FBXO31: variants seen among roughly 807,000 people sequenced by gnomAD.
FBXO31 encodes F-box protein 31.
In FBXO31, 24 loss-of-function variants were observed where a neutral mutation model predicts 54.4. That is an observed-to-expected ratio of 0.44 (90% CI 0.32 to 0.62). FBXO31 has a LOEUF of 0.62. Ranked by LOEUF, FBXO31 falls within the 20% of genes least tolerant of loss-of-function variation. FBXO31 has a pLI of 0.05. For synonymous variants in FBXO31, 388 were observed against 335.6 expected, an observed-to-expected ratio of 1.16 and a Z score of -1.71; for missense variants, 665 against 787.1, an observed-to-expected ratio of 0.84 and a Z score of 1.86.
chr16:87,352,847 G>A (rs533709774), intron 2 of FBXO31, among the ~76,000 whole-genome samples: 86 of 152,338 alleles, frequency 5.6e-4, no homozygotes, highest in African/African-American at 1.7e-3. Flanking sequence ...TGAAAGGTGA[G>A]GTTACACTTT....
chr16:87,387,405 C>T (rs1375208789), upstream of FBXO31, among the ~76,000 whole-genome samples: 1 of 152,162 alleles, frequency 6.6e-6, no homozygotes, highest in Non-Finnish European at 1.5e-5. Context: ...ATAATGACCT[C>T]TTTGTTAGTG....
chr16:87,384,103 G>A (rs62053113), upstream of FBXO31: 117 of 157,844 alleles, frequency 7.4e-4, no homozygotes, highest in Middle Eastern at 3.0e-3. Context: ...GCTGCTCGGC[G>A]ACCACTTCGC....
Position 87,346,218 on chromosome 16 carries a change from C to T in FBXO31, c.489+956G>A, listed in dbSNP as rs368080400. Among the ~76,000 whole-genome samples, 1 of 152,076 alleles carries T rather than the reference C, an allele frequency of 6.6e-6. No homozygotes were observed. The highest frequency in any genetic ancestry group is 1.5e-5 in the Non-Finnish European group (1 of 68,018). On this transcript the variant is annotated intron_variant, in intron 3 of 8. Coordinates refer to ENST00000311635, the MANE Select transcript of FBXO31 (RefSeq NM_024735.5). The surrounding 1 kb of genome is among the most constrained non-coding windows in gnomAD (Gnocchi z 4.2). ...GAGACGCGCGCATACCCCGGGCCTGCGCAGAGCAGGTGCCCTGACTCCACT... is the reference window on the plus strand; with the variant it reads ...GAGACGCGCGCATACCCCGGGCCTGTGCAGAGCAGGTGCCCTGACTCCACT...
At chr16:87,365,139 T>A (rs1472983353) in intron 1 of FBXO31, among the ~76,000 whole-genome samples, 5 of 148,094 alleles carry the variant, frequency 3.4e-5, no homozygotes, top group Non-Finnish European at 7.4e-5. Context: ...AAGGCGAGAT[T>A]CAAACTGGGA....
chr16:87,381,444 T>A (rs548514910), intron 1 of FBXO31, among the ~76,000 whole-genome samples: 1 of 152,310 alleles, frequency 6.6e-6, no homozygotes, highest in East Asian at 1.9e-4. Context: ...GGAGCAGCAC[T>A]TCCCACTCAT....
chr16:87,335,346 C>T lies in FBXO31; in HGVS notation c.954G>A (p.Met318Ile), dbSNP rs747797113. The stretch of plus-strand genomic sequence containing the variant: ...TGGCACGCCGGCCGTGGAAGCTGAG[C>T]ATCACAATCTCCAGGCCGTGGCTGC... ...TYGSHGLEIV[M>I]LSFHGRRARG... Residue 318 changes from methionine (M) to isoleucine (I), a missense_variant, in exon 7 of 9, where the codon ATG (methionine) becomes ATA (isoleucine). Physicochemically the swap from Met to Ile is conservative, Grantham distance 10. Around this residue, in one of 4 missense-constraint regions of FBXO31, gnomAD observed 234 missense variants for 346.8 expected, o/e 0.67. Transcript: ENST00000311635. The surrounding 1 kb of genome is among the most constrained non-coding windows in gnomAD (Gnocchi z 5.7). The T allele has an allele frequency of 1.9e-6, 3 of 1,614,038 alleles. No homozygotes were observed. The Admixed American group carries it at 5.0e-5, about 27-fold the overall frequency.
rs1271857044 is a variant in FBXO31, at chr16:87,345,362, G to C, written c.490-1597C>G. ...AGGGTGGGAGGGAGGGAGGGGAAGA[G>C]GGTGGGAGGGCGGACCGGAAGCCAT... On this transcript the variant is annotated intron_variant, in intron 3 of 8. Transcript: ENST00000311635. The surrounding 1 kb of genome is among the most constrained non-coding windows in gnomAD (Gnocchi z 4.9). Among the ~76,000 whole-genome samples, 3 of 151,110 alleles carry C rather than the reference G, an allele frequency of 2.0e-5. No homozygotes were observed. Among genetic ancestry groups the C allele is most frequent in the African/African-American group, 7.3e-5 (3 of 41,018 alleles).
chr16:87,369,841 C>A lies in FBXO31; in HGVS notation c.341-9475G>T, dbSNP rs181112443. ...TCAGCCAGGCGACAGACTGAGACTC[C>A]GTCTCAAAAATAAATAAATAAATAA... On this transcript the variant is annotated intron_variant, in intron 1 of 8. Coordinates refer to ENST00000311635, the MANE Select transcript of FBXO31 (RefSeq NM_024735.5). Among the ~76,000 whole-genome samples the A allele has an allele frequency of 4.0e-3, 606 of 151,722 alleles. 12 individuals carry two copies. The highest frequency in any genetic ancestry group is 0.037 in the Admixed American group (556 of 15,218).
Position 87,335,233 on chromosome 16 carries a change from T to C in FBXO31, c.996+71A>G. 6.3e-7 allele frequency: 1 copy of C among 1,598,434 alleles called. No homozygotes were observed. The highest frequency in any genetic ancestry group is 8.5e-7 in the Non-Finnish European group (1 of 1,175,726). The stretch of plus-strand genomic sequence containing the variant: ...TGCCGGGGATCAGTGTCTGCCCAAG[T>C]TCCCTGACTCCACAGCCCACTTGGG... On this transcript the variant is annotated intron_variant, in intron 7 of 8. Transcript: ENST00000311635. This position sits in a 1 kb window ranked among gnomAD's most constrained non-coding sequence, Gnocchi z 5.7.
intron 1 of FBXO31, among the ~76,000 whole-genome samples, chr16:87,371,772 C>T (rs148981176): frequency 1.1e-3 from 174 of 152,334 alleles, no homozygotes; most frequent in African/African-American, 4.0e-3. Context: ...GAGCGCGCAG[C>T]GCCAGGACCT....
At chr16:87,347,771 T>C (rs1470387400) in intron 2 of FBXO31, among the ~76,000 whole-genome samples, 1 of 149,746 alleles carries the variant, frequency 6.7e-6, no homozygotes, top group Non-Finnish European at 1.5e-5. Flanking sequence ...GAGCCTCCCA[T>C]CAATGGGGGG....
At chr16:87,375,868 A>G (rs1037150003) in intron 1 of FBXO31, among the ~76,000 whole-genome samples, 2 of 152,174 alleles carry the variant, frequency 1.3e-5, no homozygotes, top group Non-Finnish European at 2.9e-5. Flanking sequence ...AAGAAACACT[A>G]TTAGAAAAGA....
chr16:87,365,728 C>T (rs1955371396), intron 1 of FBXO31, among the ~76,000 whole-genome samples: 1 of 152,202 alleles, frequency 6.6e-6, no homozygotes, highest in African/African-American at 2.4e-5. Flanking sequence ...TATGAAACAA[C>T]TGTATGAAAA....
At chr16:87,368,928 T>C (rs1439573762) in intron 1 of FBXO31, among the ~76,000 whole-genome samples, 2 of 152,104 alleles carry the variant, frequency 1.3e-5, no homozygotes, top group African/African-American at 4.8e-5. Context: ...GCCTACCAAG[T>C]AGCTGGGATT....
chr16:87,372,093 A>G (rs1906627359), intron 1 of FBXO31, among the ~76,000 whole-genome samples: 1 of 152,044 alleles, frequency 6.6e-6, no homozygotes, highest in Non-Finnish European at 1.5e-5. Context: ...GTATGGTGGC[A>G]CATGCATGTA....
chr16:87,347,051 G>GT, intron 3 of FBXO31, 123 bp downstream of exon 3: 2 of 842,496 alleles, frequency 2.4e-6, no homozygotes, highest in Non-Finnish European at 4.0e-6. Flanking sequence ...GAATTTTTTG[G>GT]TAATTACCTC....
rs145093783 is a variant in FBXO31 at position 87,336,452 on chromosome 16, C to T, written c.733-188G>A. On this transcript the variant is annotated intron_variant, in intron 5 of 8. Coordinates refer to ENST00000311635, the MANE Select transcript of FBXO31 (RefSeq NM_024735.5). The surrounding 1 kb of genome is among the most constrained non-coding windows in gnomAD (Gnocchi z 6.5). ...AGGGGAGCTGCCGGATTTGACCCCA[C>T]GTCAGAGGTGCCTGCCAACAAAAAG... Among the ~76,000 whole-genome samples the T allele has an allele frequency of 6.6e-5, 10 of 152,326 alleles. No homozygotes were observed. Among genetic ancestry groups the T allele is most frequent in the Admixed American group, 2.0e-4 (3 of 15,306 alleles).
chr16:87,363,336 A>T (rs900000994), intron 1 of FBXO31, among the ~76,000 whole-genome samples: 2 of 152,184 alleles, frequency 1.3e-5, no homozygotes, highest in Non-Finnish European at 2.9e-5. Context: ...GTGAGCCAAG[A>T]TCGCACCACT....
At position 87,383,663 on chromosome 16, in the gene FBXO31, T is replaced by C; in HGVS notation, c.82A>G (p.Thr28Ala). 7.6e-7 allele frequency: 1 copy of C among 1,322,360 alleles called. No individual in the cohort carries two copies. Among genetic ancestry groups the C allele is most frequent in the Non-Finnish European group, 9.6e-7 (1 of 1,041,110 alleles). 81.9% of individuals were successfully genotyped at this position (1,322,360 alleles called of 1,614,324 possible). ...TCCGGCTCGCTGTCGGCCGCCGCCG[T>C]CTCGGCCGGGCCCCGGCGCTGCTGG... The part of the protein sequence containing the change: ...RRQQRRGPAE[T>A]AAADSEPDTD... The change falls in exon 1 of 9, where the codon ACG becomes GCG. Residue 28 changes from threonine to alanine, a missense_variant. Thr to Ala is a moderately conservative substitution (Grantham distance 58, BLOSUM62 0). Transcript: ENST00000311635. This position sits in a 1 kb window ranked among gnomAD's most constrained non-coding sequence, Gnocchi z 4.9.
Sources: allele counts gnomAD v4.1 joint callset (sites outside exome capture counted in the v4.1 genomes callset), GRCh38; gene constraint gnomAD v4.1.1; regional missense constraint gnomAD v4.1.1; non-coding constraint Gnocchi (gnomAD v3.1); transcripts MANE v1.5; gene names NCBI Gene and HGNC (gene_info 2026-07-23, HGNC 2026-07-21).